FER: variants seen among roughly 807,000 people sequenced by gnomAD.
The protein encoded by FER is FER tyrosine kinase, also known as tyrosine-protein kinase Fer.
FER carries 63 observed loss-of-function variants against 111.0 expected under a neutral mutation model. The observed-to-expected ratio is 0.57, with a 90% CI of 0.46 to 0.70. The LOEUF (loss-of-function observed/expected upper bound fraction) is 0.70, where lower values mean the gene tolerates loss of function less well. Ranked by LOEUF, FER falls within the 30% of genes least tolerant of loss-of-function variation. The pLI is 0.00. For synonymous variants in FER, 327 were observed against 313.9 expected (o/e 1.04, Z -0.44); for missense variants, 914 against 954.0 (o/e 0.96, Z 0.55).
At chr5:108,924,840 A>G in intron 10 of FER, 1 of 1,198,736 alleles carries the variant, frequency 8.3e-7, no homozygotes. Flanking sequence ...CCCAGACATT[A>G]TCTAAGAGTC....
chr5:108,859,661 G>A (rs1175279983), intron 5 of FER, among the ~76,000 whole-genome samples: 1 of 152,040 alleles, frequency 6.6e-6, no homozygotes, highest in Non-Finnish European at 1.5e-5. Flanking sequence ...TTTGGACATG[G>A]TACATCATTC....
intron 13 of FER, among the ~76,000 whole-genome samples, chr5:109,034,270 A>G (rs1770056866): frequency 6.6e-6 from 1 of 152,178 alleles, no homozygotes; most frequent in African/African-American, 2.4e-5. Flanking sequence ...GGACACTGAA[A>G]TTCAACTTTG....
chr5:108,902,041 T>C (rs1750104059), intron 10 of FER, among the ~76,000 whole-genome samples: 1 of 152,220 alleles, frequency 6.6e-6, no homozygotes, highest in African/African-American at 2.4e-5. Context: ...AGGTTCACTC[T>C]ACTTCTCTGA....
chr5:108,876,955 T>G (rs953035279), intron 8 of FER, among the ~76,000 whole-genome samples: 1 of 152,176 alleles, frequency 6.6e-6, no homozygotes, highest in Non-Finnish European at 1.5e-5. Flanking sequence ...TGAATCTTTG[T>G]TTTCTCTTTT....
chr5:108,954,153 A>G (rs1438935628), intron 11 of FER, among the ~76,000 whole-genome samples: 1 of 152,048 alleles, frequency 6.6e-6, no homozygotes, highest in East Asian at 1.9e-4. Flanking sequence ...TTTATCTACC[A>G]TTGCTTTGTA....
intron 16 of FER, among the ~76,000 whole-genome samples, chr5:109,058,940 A>G (rs1013784056): frequency 6.6e-6 from 1 of 150,976 alleles, no homozygotes; most frequent in Non-Finnish European, 1.5e-5. Context: ...GGGTTTCACC[A>G]TGTTGGTCAG....
intron 2 of FER, among the ~76,000 whole-genome samples, chr5:108,791,402 A>G (rs1417249431): frequency 6.6e-6 from 1 of 152,082 alleles, no homozygotes; most frequent in East Asian, 1.9e-4. Flanking sequence ...GCATCTTTTC[A>G]TGAGCCTATT....
At chr5:108,757,206 A>G (rs535413536) in intron 1 of FER, among the ~76,000 whole-genome samples, 5 of 152,314 alleles carry the variant, frequency 3.3e-5, no homozygotes, top group East Asian at 1.9e-4. Flanking sequence ...CTAAAGGTCT[A>G]TGTTGAAATA....
chr5:109,108,425 A>T (rs908470094), intron 17 of FER, among the ~76,000 whole-genome samples: 6 of 152,152 alleles, frequency 3.9e-5, no homozygotes, highest in African/African-American at 1.4e-4. Flanking sequence ...AAAACTAATA[A>T]ATGCTGATTT....
intron 16 of FER, among the ~76,000 whole-genome samples, chr5:109,090,373 A>G (rs1778033855): frequency 6.6e-6 from 1 of 152,220 alleles, no homozygotes; most frequent in Admixed American, 6.5e-5. Flanking sequence ...TATGAAGCCA[A>G]TCCATAAAGA....
intron 13 of FER, among the ~76,000 whole-genome samples, chr5:109,024,226 A>G (rs1252438177): frequency 6.6e-6 from 1 of 152,144 alleles, no homozygotes; most frequent in Non-Finnish European, 1.5e-5. Flanking sequence ...CTTTGATGCT[A>G]TTGAAGAGGA....
intron 2 of FER, among the ~76,000 whole-genome samples, chr5:108,781,165 A>C (rs79730949): frequency 0.053 from 8,013 of 152,170 alleles, 297 homozygotes; most frequent in Non-Finnish European, 0.075. Flanking sequence ...TGGTTCTTAT[A>C]CTAGCTCTCT....
At position 109,187,339 on chromosome 5, in the gene FER, G is replaced by C. The variant is rs957715740; in HGVS notation, c.2327-94G>C. On this transcript the variant is annotated intron_variant, in intron 19 of 19. Transcript: ENST00000281092. ...TTGTTTCCATATAACTACAACATAA[G>C]GTACCAAAAGTTAATAACTGCATAA... is the stretch of plus-strand genomic sequence containing the variant. 4.6e-6 allele frequency: 6 copies of C among 1,303,148 alleles called. No individual in the cohort carries two copies. The African/African-American group carries it at 7.4e-5, about 16-fold the overall frequency. The allele number at this position is 1,303,148 out of a possible 1,614,324, so 80.7% of individuals were successfully genotyped here. A position where few individuals can be genotyped will look rare whatever the true frequency, so the allele number is the denominator to read the frequency against.
chr5:109,025,809 T>G (rs896208035), intron 13 of FER, among the ~76,000 whole-genome samples: 9 of 152,076 alleles, frequency 5.9e-5, no homozygotes, highest in African/African-American at 1.4e-4. Context: ...ATACCTAATT[T>G]ATTGAGAGTT....
intron 3 of FER, among the ~76,000 whole-genome samples, chr5:108,813,081 A>G (rs753226899): frequency 1.3e-5 from 2 of 151,980 alleles, no homozygotes; most frequent in African/African-American, 2.4e-5. Context: ...ACTTCCTTTC[A>G]CATTTCTTAT....
intron 16 of FER, among the ~76,000 whole-genome samples, chr5:109,049,981 T>A (rs1281755904): frequency 1.3e-5 from 2 of 152,234 alleles, no homozygotes; most frequent in Non-Finnish European, 2.9e-5. Context: ...AGTTCTGAAT[T>A]ACTGTGTATT....
At chr5:108,851,834 A>G (rs958653455) in intron 5 of FER, among the ~76,000 whole-genome samples, 1 of 152,208 alleles carries the variant, frequency 6.6e-6, no homozygotes, top group Non-Finnish European at 1.5e-5. Context: ...CAAAATACCC[A>G]TCATAGTATT....
chr5:108,945,511 G>GGT, intron 10 of FER, among the ~76,000 whole-genome samples: 1 of 152,012 alleles, frequency 6.6e-6, no homozygotes, highest in South Asian at 2.1e-4. Context: ...ATCTGGATTT[G>GGT]GTAGGATTGG....
chr5:108,865,825 A>C (rs1198967392), intron 5 of FER, among the ~76,000 whole-genome samples: 2 of 152,244 alleles, frequency 1.3e-5, no homozygotes, highest in African/African-American at 2.4e-5. Flanking sequence ...GCCAAAAGAC[A>C]CATGAAAAAA....
Sources: gnomAD v4.1 joint callset for allele counts (sites outside exome capture counted in the v4.1 genomes callset) on GRCh38, gnomAD v4.1.1 for gene constraint, MANE v1.5 for transcripts, NCBI Gene and HGNC (gene_info 2026-07-23, HGNC 2026-07-21) for gene names.